The following CCND3 variants were observed in gnomAD, a reference collection of about 807,000 sequenced individuals.
CCND3 encodes cyclin D3.
CCND3 carries 9 observed loss-of-function variants against 28.7 expected under a neutral mutation model. The ratio of observed to expected loss-of-function variants is 0.31; its 90% CI spans 0.19 to 0.55. The LOEUF (loss-of-function observed/expected upper bound fraction) is 0.55, where lower values mean the gene tolerates loss of function less well. Ranked by LOEUF, CCND3 falls within the 20% of genes least tolerant of loss-of-function variation. CCND3 has a pLI of 0.93. For synonymous variants in CCND3, 164 were observed against 163.9 expected, an observed-to-expected ratio of 1.00 and a Z score of 0.00; for missense variants, 315 against 385.8, an observed-to-expected ratio of 0.82 and a Z score of 1.54.
chr6:41,993,938 A>G (rs1762726083), intron 1 of CCND3, among the ~76,000 whole-genome samples: 2 of 196 alleles, frequency 0.01, no homozygotes, highest in Non-Finnish European at 0.071. Flanking sequence ...AAAAAAAAAA[A>G]AAAAAAAAAA....
chr6:41,996,140 T>TATA (rs1561978490), intron 1 of CCND3, among the ~76,000 whole-genome samples: 18 of 112,942 alleles, frequency 1.6e-4, no homozygotes, highest in African/African-American at 6.3e-4. Context: ...ATATATATAT[T>TATA]TTTTTTGTTT....
intron 1 of CCND3, among the ~76,000 whole-genome samples, chr6:41,967,711 C>T (rs1761926332): frequency 6.6e-6 from 1 of 152,208 alleles, no homozygotes. Context: ...GCTGTTCTCA[C>T]TCACAGACTT....
chr6:41,949,560 T>C (rs1243671578), intron 1 of CCND3, among the ~76,000 whole-genome samples: 3 of 152,072 alleles, frequency 2.0e-5, no homozygotes, highest in African/African-American at 7.2e-5. Context: ...TCCCAGCACT[T>C]TGGGAGGCGG....
Position 41,935,782 on chromosome 6 carries a change from C to T in CCND3, c.*158G>A. 1 of 693,894 alleles carries T rather than the reference C, an allele frequency of 1.4e-6. No homozygotes were observed. Among genetic ancestry groups the T allele is most frequent in the Non-Finnish European group, 2.4e-6 (1 of 410,022 alleles). The allele number at this position is 693,894 out of a possible 1,614,324, so 43.0% of individuals were successfully genotyped here. On this transcript the variant is annotated 3_prime_UTR_variant, in exon 5 of 5. Coordinates refer to ENST00000372991, the MANE Select transcript of CCND3 (RefSeq NM_001760.5). ...ACATGGCTGGCCGGGCCCCTTAGTG[C>T]ACACTGCGGGGATGGGTAGGACCAG...
chr6:41,973,037 G>T (rs1473202315), intron 1 of CCND3, among the ~76,000 whole-genome samples: 3 of 152,222 alleles, frequency 2.0e-5, no homozygotes, highest in South Asian at 2.1e-4. Context: ...ACCCATGTGT[G>T]TCTGGGTAAT....
chr6:42,013,897 C>A (rs1763411887), intron 1 of CCND3, among the ~76,000 whole-genome samples: 1 of 151,640 alleles, frequency 6.6e-6, no homozygotes, highest in Non-Finnish European at 1.5e-5. Context: ...TATGGTAAAA[C>A]TCCATTTCCA....
intron 1 of CCND3, among the ~76,000 whole-genome samples, chr6:42,006,005 A>AT (rs1561983439): frequency 2.0e-5 from 3 of 150,118 alleles, no homozygotes; most frequent in South Asian, 2.1e-4. Flanking sequence ...CTACACAAAA[A>AT]ATTTTTTTTT....
In CCND3 at chr6:41,987,658, A is replaced by G. The variant is rs1762529270; in HGVS notation, c.-45-47073T>C. 2.0e-5 allele frequency among the ~76,000 whole-genome samples: 3 copies of G among 150,070 alleles called. No individual in the cohort carries two copies. The South Asian group carries it at 6.3e-4, about 32-fold the overall frequency. Reference sequence around the variant, plus strand: ...GCTGGGACTACAGGTGTGTACCACCATACTCAGCTAATTTTTTTTTTTTAA... The same window carrying G: ...GCTGGGACTACAGGTGTGTACCACCGTACTCAGCTAATTTTTTTTTTTTAA... On this transcript the variant is annotated intron_variant, in intron 1 of 4. Coordinates refer to the CCND3 transcript ENST00000372988.
chr6:41,989,230 G>C (rs1027760015), intron 1 of CCND3, among the ~76,000 whole-genome samples: 1 of 151,962 alleles, frequency 6.6e-6, no homozygotes, highest in African/African-American at 2.4e-5. Context: ...AGGCTAAGGC[G>C]GGTGGATCAC....
At chr6:41,945,715 G>A (rs138095025), upstream of CCND3, among the ~76,000 whole-genome samples, 746 of 152,252 alleles carry the variant, frequency 4.9e-3, 5 homozygotes, top group Admixed American at 0.013. Flanking sequence ...TTCAAACCTG[G>A]CTCCACAGCT....
chr6:41,950,020 G>A (rs1331016631), intron 1 of CCND3, among the ~76,000 whole-genome samples: 8 of 150,292 alleles, frequency 5.3e-5, no homozygotes, highest in Admixed American at 2.7e-4. Context: ...GGAGAATGGC[G>A]TGAACCCGGG....
chr6:42,009,573 T>C (rs893624620), intron 1 of CCND3, among the ~76,000 whole-genome samples: 4 of 151,914 alleles, frequency 2.6e-5, no homozygotes, highest in African/African-American at 7.3e-5. Context: ...GATTGCGCCA[T>C]TCCACTCCAG....
intron 1 of CCND3, among the ~76,000 whole-genome samples, chr6:41,950,784 C>T (rs996844541): frequency 3.3e-5 from 5 of 151,084 alleles, no homozygotes; most frequent in African/African-American, 9.7e-5. Context: ...TCTCAGCTCA[C>T]GGCAAGCTCC....
chr6:42,040,249 C>A (rs1370365869), intron 1 of CCND3, among the ~76,000 whole-genome samples: 5 of 151,984 alleles, frequency 3.3e-5, no homozygotes, highest in Non-Finnish European at 7.4e-5. Context: ...GAAACCCTGT[C>A]TCTACTAAAA....
rs1422368459 is a variant in CCND3 at position 42,048,053 on chromosome 6, G to C, written c.-46+448C>G. 3 of 153,698 alleles carry C rather than the reference G, an allele frequency of 2.0e-5. No individual in the cohort carries two copies. The highest frequency in any genetic ancestry group is 4.4e-5 in the Non-Finnish European group (3 of 68,846). The allele number at this position is 153,698 out of a possible 1,614,324, so 9.5% of individuals were successfully genotyped here. ...TATTCCTCTTGTTGGCACTTCAAGA[G>C]ACACAGAAGAAGCTAAGATCATCAT... On this transcript the variant is annotated intron_variant, in intron 1 of 4. Coordinates refer to the CCND3 transcript ENST00000372988. The surrounding 1 kb of genome is among the most constrained non-coding windows in gnomAD (Gnocchi z 4.7).
intron 1 of CCND3, among the ~76,000 whole-genome samples, chr6:42,032,976 A>G (rs1282136646): frequency 1.3e-5 from 2 of 152,172 alleles, no homozygotes; most frequent in Non-Finnish European, 2.9e-5. Context: ...TGATAATAGA[A>G]CTTTGAGAGT....
intron 1 of CCND3, among the ~76,000 whole-genome samples, chr6:42,031,766 C>G (rs1027627637): frequency 6.6e-6 from 1 of 150,580 alleles, no homozygotes; most frequent in African/African-American, 2.4e-5. Context: ...TTTCTCTTAA[C>G]GTTACCATAT....
At chr6:42,027,175 C>T (rs1274637358) in intron 1 of CCND3, among the ~76,000 whole-genome samples, 2 of 152,168 alleles carry the variant, frequency 1.3e-5, no homozygotes, top group East Asian at 3.8e-4. Flanking sequence ...CGCGGTGGCT[C>T]ATGCCTGTAA....
At chr6:41,962,042 A>G (rs1222373415) in intron 1 of CCND3, among the ~76,000 whole-genome samples, 1 of 152,182 alleles carries the variant, frequency 6.6e-6, no homozygotes, top group African/African-American at 2.4e-5. Context: ...CTCCTGCAAT[A>G]GCCTCTCTTC....
Sources: gnomAD v4.1 joint callset for allele counts (sites outside exome capture counted in the v4.1 genomes callset) on GRCh38, gnomAD v4.1.1 for gene constraint, Gnocchi (gnomAD v3.1) non-coding constraint, MANE v1.5 for transcripts, NCBI Gene and HGNC (gene_info 2026-07-23, HGNC 2026-07-21) for gene names.